The following PSMB7 variants were observed in gnomAD, a reference collection of about 807,000 sequenced individuals.
PSMB7 encodes proteasome subunit beta type-7.
A neutral mutation model predicts 28.1 loss-of-function variants in PSMB7; 5 were observed. The ratio of observed to expected loss-of-function variants is 0.18; its 90% CI spans 0.09 to 0.37. The LOEUF (loss-of-function observed/expected upper bound fraction) is 0.37. PSMB7 is among the 10% of genes least tolerant of loss of function. The probability of loss-of-function intolerance (pLI) is 1.00; values close to 1 mark genes in which losing one functional copy is unlikely to be tolerated. For synonymous variants in PSMB7, 122 were observed against 123.7 expected, an observed-to-expected ratio of 0.99 and a Z score of 0.09; for missense variants, 275 against 346.2, an observed-to-expected ratio of 0.79 and a Z score of 1.63.
intron 6 of PSMB7, among the ~76,000 whole-genome samples, chr9:124,360,183 T>G (rs1236976913): frequency 1.3e-5 from 2 of 152,270 alleles, no homozygotes; most frequent in Non-Finnish European, 2.9e-5. Context: ...AACTTTTGTC[T>G]TTAACATGTG....
intron 6 of PSMB7, among the ~76,000 whole-genome samples, chr9:124,361,282 T>C (rs1830463408): frequency 6.6e-6 from 1 of 152,208 alleles, no homozygotes; most frequent in Non-Finnish European, 1.5e-5. Flanking sequence ...TTTGTCTCCA[T>C]CACCGCATCG....
intron 6 of PSMB7, among the ~76,000 whole-genome samples, chr9:124,361,547 G>C (rs1252305004): frequency 6.6e-6 from 1 of 152,156 alleles, no homozygotes; most frequent in Non-Finnish European, 1.5e-5. Context: ...AATCTGAAAT[G>C]GTGTTTGATA....
At chr9:124,359,981 A>T (rs758568172) in intron 6 of PSMB7, among the ~76,000 whole-genome samples, 3 of 152,194 alleles carry the variant, frequency 2.0e-5, no homozygotes, top group Non-Finnish European at 4.4e-5. Flanking sequence ...TCTACTGTCC[A>T]CCCACTACTT....
chr9:124,404,190 T>C (rs568160481), intron 5 of PSMB7, among the ~76,000 whole-genome samples: 3 of 152,220 alleles, frequency 2.0e-5, no homozygotes, highest in African/African-American at 7.2e-5. Context: ...TGCCTGGCCC[T>C]GATCTTTCTA....
At chr9:124,379,976 G>A (rs937324284) in intron 6 of PSMB7, among the ~76,000 whole-genome samples, 4 of 152,216 alleles carry the variant, frequency 2.6e-5, no homozygotes, top group African/African-American at 4.8e-5. Context: ...CATGGCCCCT[G>A]CCCTCAAGGA....
In PSMB7 at chr9:124,356,011, G is replaced by A. The variant is rs1830401118; in HGVS notation, c.722+753C>T. ...TGAGTGGGAGCCGTAGTTTATAAAT[G>A]CCCTGTGCTGCACCCAGATGCTGCA... On this transcript the variant is annotated intron_variant, in intron 7 of 7. Coordinates refer to ENST00000259457, the MANE Select transcript of PSMB7 (RefSeq NM_002799.4). This position sits in a 1 kb window ranked among gnomAD's most constrained non-coding sequence, Gnocchi z 4.4. Among the ~76,000 whole-genome samples the A allele has an allele frequency of 6.6e-6, 1 of 152,136 alleles. No individual in the cohort carries two copies. The highest frequency in any genetic ancestry group is 1.5e-5 in the Non-Finnish European group (1 of 68,030).
intron 3 of PSMB7, among the ~76,000 whole-genome samples, chr9:124,413,445 C>A (rs1282553781): frequency 6.6e-6 from 1 of 151,966 alleles, no homozygotes; most frequent in South Asian, 2.1e-4. Context: ...GGAAATGTGA[C>A]AAGTCTCTTG....
chr9:124,384,178 T>C (rs1343677109), intron 6 of PSMB7: 1 of 160,996 alleles, frequency 6.2e-6, no homozygotes, highest in Non-Finnish European at 1.3e-5. Context: ...ACAGGGATTT[T>C]TAAAACTGCC....
rs1315660784 is a variant in PSMB7 at position 124,356,789 on chromosome 9, T to C, written c.697A>G (p.Thr233Ala). ...CTGGTCCCCTTCTTGTTGGGCACTG[T>C]GTATGGGCGGAGAAAATCCAGCTTG... ...KNKLDFLRPY[T>A]VPNKKGTRLG... The change falls in exon 7 of 8, where the codon ACA becomes GCA. Residue 233 changes from threonine (T) to alanine (A), a missense_variant. Physicochemically the swap from Thr to Ala is moderately conservative, Grantham distance 58 (BLOSUM62 0). Coordinates refer to ENST00000259457, the MANE Select transcript of PSMB7 (RefSeq NM_002799.4). This position sits in a 1 kb window ranked among gnomAD's most constrained non-coding sequence, Gnocchi z 4.4. 4 of 1,614,138 alleles carry C rather than the reference T, an allele frequency of 2.5e-6. No homozygotes were observed. The highest frequency in any genetic ancestry group is 2.2e-5 in the South Asian group (2 of 91,080).
intron 6 of PSMB7, among the ~76,000 whole-genome samples, chr9:124,373,609 A>G (rs1457087930): frequency 6.6e-6 from 1 of 152,202 alleles, no homozygotes; most frequent in Admixed American, 6.5e-5. Context: ...CAATTGTCCC[A>G]TCTAAACGTT....
intron 6 of PSMB7, among the ~76,000 whole-genome samples, chr9:124,383,063 A>G (rs1021550190): frequency 1.3e-5 from 2 of 152,370 alleles, no homozygotes; most frequent in African/African-American, 2.4e-5. Context: ...GTGAGTTCTA[A>G]TGGATGCGTA....
chr9:124,410,858 C>T (rs1392033836), intron 4 of PSMB7, among the ~76,000 whole-genome samples: 2 of 152,176 alleles, frequency 1.3e-5, no homozygotes, highest in East Asian at 3.8e-4. Flanking sequence ...TGAAGTGAGC[C>T]AGGCAGAGAA....
rs1830402206 is a variant in PSMB7, at chr9:124,356,109, G to A, written c.722+655C>T. On this transcript the variant is annotated intron_variant, in intron 7 of 7. Transcript: ENST00000259457. The surrounding 1 kb of genome is among the most constrained non-coding windows in gnomAD (Gnocchi z 4.4). ...AGAAGAGGTCAGGAGCCACAGGATG[G>A]TCAAGCAGCCGGACAATCACGAGAC... 1.3e-5 allele frequency among the ~76,000 whole-genome samples: 2 copies of A among 152,140 alleles called. No individual in the cohort carries two copies. Among genetic ancestry groups the A allele is most frequent in the Admixed American group, 6.5e-5 (1 of 15,276 alleles).
At chr9:124,382,775 T>C (rs1830681619) in intron 6 of PSMB7, among the ~76,000 whole-genome samples, 1 of 152,194 alleles carries the variant, frequency 6.6e-6, no homozygotes, top group African/African-American at 2.4e-5. Flanking sequence ...CAAAATCACA[T>C]CAAATATTGA....
At chr9:124,386,836 ATT>A (rs34764593) in intron 5 of PSMB7, among the ~76,000 whole-genome samples, 12 of 148,410 alleles carry the variant, frequency 8.1e-5, no homozygotes, top group Non-Finnish European at 1.2e-4. Context: ...TGCACAGTAA[ATT>A]TTTTTTTTTT....
chr9:124,354,937 C>T (rs895604611), intron 7 of PSMB7, among the ~76,000 whole-genome samples: 3 of 152,246 alleles, frequency 2.0e-5, no homozygotes, highest in African/African-American at 4.8e-5. Context: ...TTCCGCCTTA[C>T]GTGCCAGTGG....
chr9:124,365,714 G>A (rs558413450), intron 6 of PSMB7, among the ~76,000 whole-genome samples: 47 of 152,290 alleles, frequency 3.1e-4, no homozygotes, highest in Non-Finnish European at 5.1e-4. Flanking sequence ...TCAGAAGCTC[G>A]AGACCAGCCT....
At chr9:124,375,211 C>G (rs959766746) in intron 6 of PSMB7, among the ~76,000 whole-genome samples, 1 of 152,168 alleles carries the variant, frequency 6.6e-6, no homozygotes, top group Non-Finnish European at 1.5e-5. Context: ...TCGCCCCAGG[C>G]TGAAGTGCAA....
chr9:124,384,489 A>G (rs1194226254), intron 6 of PSMB7, 109 bp downstream of exon 6: 4 of 1,007,514 alleles, frequency 4.0e-6, no homozygotes, highest in Non-Finnish European at 5.8e-6. Flanking sequence ...CATTCCAACT[A>G]ACAACAGTGC....
Sources: allele counts gnomAD v4.1 joint callset (sites outside exome capture counted in the v4.1 genomes callset), GRCh38; gene constraint gnomAD v4.1.1; non-coding constraint Gnocchi (gnomAD v3.1); transcripts MANE v1.5; gene names NCBI Gene and HGNC (gene_info 2026-07-23, HGNC 2026-07-21).